MYBL1: variants seen among roughly 807,000 people sequenced by gnomAD.
MYBL1 encodes the protein myb-related protein A.
MYBL1 carries 17 observed loss-of-function variants against 96.3 expected under a neutral mutation model. The ratio of observed to expected loss-of-function variants is 0.18; its 90% CI spans 0.12 to 0.26. The LOEUF is 0.26. MYBL1 is among the 10% of genes least tolerant of loss of function. The pLI is 1.00. For synonymous variants in MYBL1, 282 were observed against 292.7 expected (o/e 0.96, Z 0.37); for missense variants, 701 against 882.9 (o/e 0.79, Z 2.61).
rs1810607707 is a variant in MYBL1, at chr8:66,613,202, G to A, written c.-364C>T. 1 of 400,230 alleles carries A rather than the reference G, an allele frequency of 2.5e-6. No individual in the cohort carries two copies. Among genetic ancestry groups the A allele is most frequent in the South Asian group, 1.2e-4 (1 of 8,112 alleles). The allele number at this position is 400,230 out of a possible 1,614,324, so 24.8% of individuals were successfully genotyped here. On this transcript the variant is annotated 5_prime_UTR_variant, in exon 1 of 16. Transcript: ENST00000522677. ...GCGCCCGACCCCTGCCCTCTCCCCC[G>A]CAGCTAGCAGTTCTGCAGGGCTCGC...
At chr8:66,575,409 G>A (rs1193041747) in intron 10 of MYBL1, among the ~76,000 whole-genome samples, 1 of 152,164 alleles carries the variant, frequency 6.6e-6, no homozygotes, top group Non-Finnish European at 1.5e-5. Flanking sequence ...GCAAATCAAT[G>A]TTACCTTTCC....
intron 1 of MYBL1, 79 bp downstream of exon 1, chr8:66,612,740 G>C: frequency 7.7e-7 from 1 of 1,301,536 alleles, no homozygotes; most frequent in African/African-American, 1.5e-5. Flanking sequence ...GCCTTATGGC[G>C]GGAGGGGGCA....
chr8:66,566,780 A>G lies in MYBL1; in HGVS notation c.1854T>C (p.Ala618=), dbSNP rs1808521557. 1 of 1,608,596 alleles carries G rather than the reference A, an allele frequency of 6.2e-7. No homozygotes were observed. The highest frequency in any genetic ancestry group is 1.3e-5 in the African/African-American group (1 of 74,802). The change falls in exon 14 of 16, where the codon GCT becomes GCC. Residue 618 remains alanine, a synonymous_variant. Coordinates refer to ENST00000522677, the MANE Select transcript of MYBL1 (RefSeq NM_001080416.4). ...GTGATTTTCTGACTTTCTTCCCAGAAGCGGTATTCTAGAATGAGTAATTTA... is the reference window on the plus strand; with the variant it reads ...GTGATTTTCTGACTTTCTTCCCAGAGGCGGTATTCTAGAATGAGTAATTTA... ...AYKSCKQENT[A]SGKKVRKSLV...
chr8:66,589,879 C>T (rs943869005), intron 8 of MYBL1, among the ~76,000 whole-genome samples: 1 of 152,114 alleles, frequency 6.6e-6, no homozygotes, highest in Non-Finnish European at 1.5e-5. Flanking sequence ...AAAACAGAAA[C>T]TGCAACATAG....
rs181607141 is a variant in MYBL1, at chr8:66,592,361, T to C, written c.867+79A>G. ...TATTAAAATCTGCAGTCATACTGAG[T>C]ATGCTTTCTAGCTGATAAAAATGAC... On this transcript the variant is annotated intron_variant, in intron 8 of 15. Transcript: ENST00000522677. 9.5e-6 allele frequency: 9 copies of C among 945,170 alleles called. No individual in the cohort carries two copies. In the East Asian group the frequency reaches 2.3e-4, roughly 24 times the overall value. The allele number at this position is 945,170 out of a possible 1,614,324, so 58.5% of individuals were successfully genotyped here.
At chr8:66,569,109 C>T (rs1808628708) in intron 12 of MYBL1, among the ~76,000 whole-genome samples, 1 of 152,120 alleles carries the variant, frequency 6.6e-6, no homozygotes, top group Admixed American at 6.5e-5. Flanking sequence ...CTCTTCCCAC[C>T]TTCCACTCTC....
At chr8:66,568,376 C>T (rs1214309663) in intron 12 of MYBL1, among the ~76,000 whole-genome samples, 1 of 151,996 alleles carries the variant, frequency 6.6e-6, no homozygotes, top group Non-Finnish European at 1.5e-5. Flanking sequence ...CAACCCCCAC[C>T]CTCTGGTTCA....
chr8:66,610,936 T>C (rs1810504084), intron 1 of MYBL1, among the ~76,000 whole-genome samples: 1 of 152,198 alleles, frequency 6.6e-6, no homozygotes, highest in Non-Finnish European at 1.5e-5. Context: ...TCTATCATGT[T>C]TAAATTAACT....
intron 8 of MYBL1, among the ~76,000 whole-genome samples, chr8:66,588,779 T>C (rs180913253): frequency 2.7e-4 from 41 of 152,264 alleles, no homozygotes; most frequent in African/African-American, 8.9e-4. Context: ...CCCAACACTT[T>C]GGGAGGCCAA....
chr8:66,585,373 T>C (rs1356648112), intron 8 of MYBL1, among the ~76,000 whole-genome samples: 1 of 152,170 alleles, frequency 6.6e-6, no homozygotes, highest in Non-Finnish European at 1.5e-5. Flanking sequence ...ACCTCCTTTT[T>C]TGTGAAAGAA....
chr8:66,589,029 TAAAA>T (rs1809532046), intron 8 of MYBL1, among the ~76,000 whole-genome samples: 1 of 151,866 alleles, frequency 6.6e-6, no homozygotes, highest in Non-Finnish European at 1.5e-5. Flanking sequence ...AAAAAGAAAT[TAAAA>T]AAATGCTTCA....
Position 66,567,971 on chromosome 8 carries a change from C to T in MYBL1, c.1729-979G>A, listed in dbSNP as rs369708268. ...CTGAGGCATGAGAATTGCTTGAACC[C>T]AGGAGGCAGAAGTTGCAGTGAGCCG... is the stretch of plus-strand genomic sequence containing the variant. On this transcript the variant is annotated intron_variant, in intron 12 of 15. Coordinates refer to ENST00000522677, the MANE Select transcript of MYBL1 (RefSeq NM_001080416.4). Among the ~76,000 whole-genome samples, 72 of 150,098 alleles carry T rather than the reference C, an allele frequency of 4.8e-4. 1 individual carries two copies. Among genetic ancestry groups the T allele is most frequent in the Middle Eastern group, 6.9e-3 (2 of 290 alleles).
chr8:66,580,906 G>T (rs1382795522), intron 8 of MYBL1, among the ~76,000 whole-genome samples: 1 of 151,168 alleles, frequency 6.6e-6, no homozygotes, highest in Non-Finnish European at 1.5e-5. Flanking sequence ...AGTTGCCCAG[G>T]CTGGGGTACA....
chr8:66,605,096 G>A (rs923163290), intron 1 of MYBL1, among the ~76,000 whole-genome samples: 6 of 152,250 alleles, frequency 3.9e-5, no homozygotes, highest in Admixed American at 6.5e-5. Flanking sequence ...ATATTCCTTA[G>A]CTTAATATAT....
rs184815025 is a variant in MYBL1 at position 66,568,791 on chromosome 8, C to T, written c.1729-1799G>A. The stretch of plus-strand genomic sequence containing the variant: ...CCTGTAATCCCAGCACTTTGGGAGA[C>T]CGAGGCGGGCAGATCACGAGGTCAG... On this transcript the variant is annotated intron_variant, in intron 12 of 15. Transcript: ENST00000522677. 4.5e-3 allele frequency among the ~76,000 whole-genome samples: 685 copies of T among 152,050 alleles called. 5 individuals are homozygous for T. Among genetic ancestry groups the T allele is most frequent in the Non-Finnish European group, 6.9e-3 (470 of 67,958 alleles).
At chr8:66,572,079 T>TG (rs1012253262) in intron 12 of MYBL1, among the ~76,000 whole-genome samples, 2 of 83,750 alleles carry the variant, frequency 2.4e-5, no homozygotes, top group South Asian at 4.6e-4. Flanking sequence ...GAGGCCGAGG[T>TG]GGGGGGGAGG....
At chr8:66,602,677 C>T (rs1321270014) in intron 1 of MYBL1, among the ~76,000 whole-genome samples, 154 bp from the exon 2 acceptor site, 1 of 124,650 alleles carries the variant, frequency 8.0e-6, no homozygotes, top group African/African-American at 3.1e-5. Context: ...AATTAAGAGT[C>T]AGACAGCGGG....
intron 8 of MYBL1, among the ~76,000 whole-genome samples, chr8:66,591,423 C>T (rs1338769813): frequency 6.6e-6 from 1 of 151,938 alleles, no homozygotes; most frequent in African/African-American, 2.4e-5. Flanking sequence ...TTTCTTTTAA[C>T]CAATCTAGCA....
chr8:66,580,258 C>T lies in MYBL1; in HGVS notation c.976G>A (p.Glu326Lys), dbSNP rs2129824737. The T allele has an allele frequency of 1.2e-6, 2 of 1,613,836 alleles. No homozygotes were observed. Among genetic ancestry groups the T allele is most frequent in the East Asian group, 2.2e-5 (1 of 44,886 alleles). The change falls in exon 9 of 16, where the codon GAA (glutamate) becomes AAA (lysine). Residue 326 changes from glutamate to lysine, a missense_variant. Transcript: ENST00000522677. ...TGCTGAGCAGACACAGGCTGATTTT[C>T]ATCCATACTGTAAAACTCACTAGTG... The part of the protein sequence containing the change: ...EHTSEFYSMD[E>K]NQPVSAQQNS...
Sources: gnomAD v4.1 joint callset for allele counts (sites outside exome capture counted in the v4.1 genomes callset) on GRCh38, gnomAD v4.1.1 for gene constraint, MANE v1.5 for transcripts, NCBI Gene and HGNC (gene_info 2026-07-23, HGNC 2026-07-21) for gene names.